The following OXR1 variants were observed in gnomAD, a reference collection of about 807,000 sequenced individuals.
The protein encoded by OXR1 is oxidation resistance 1.
Under a neutral mutation model 104.6 loss-of-function variants are expected in OXR1, and 41 were observed. The observed-to-expected ratio is 0.39, with a 90% confidence interval of 0.31 to 0.51. The LOEUF is 0.51. Ranked by LOEUF, OXR1 falls within the 20% of genes least tolerant of loss-of-function variation. The pLI, the probability that OXR1 is intolerant of heterozygous loss-of-function variation, is 0.77. For missense variants in OXR1, 955 were observed against 1,031.9 expected, an observed-to-expected ratio of 0.93 and a Z score of 1.02; for synonymous variants, 348 against 348.4, an observed-to-expected ratio of 1.00 and a Z score of 0.01.
intron 8 of OXR1, among the ~76,000 whole-genome samples, chr8:106,705,933 C>CTG (rs28921418): frequency 1.2e-4 from 18 of 151,662 alleles, no homozygotes; most frequent in South Asian, 2.1e-4. Flanking sequence ...TAAATAAGCA[C>CTG]TGTGTGTGTG....
intron 3 of OXR1, chr8:106,618,178 G>A (rs373530569): frequency 4.5e-4 from 684 of 1,535,626 alleles, no homozygotes; most frequent in African/African-American, 1.7e-3. Context: ...TTCTGCCAGC[G>A]CAAAGGTATG....
At chr8:106,340,379 C>G (rs1815193174) in intron 1 of OXR1, among the ~76,000 whole-genome samples, 1 of 152,064 alleles carries the variant, frequency 6.6e-6, no homozygotes. Flanking sequence ...CTGCTGAATA[C>G]CCTGTCATGT....
intron 1 of OXR1, among the ~76,000 whole-genome samples, chr8:106,328,824 A>C (rs528953698): frequency 6.8e-4 from 104 of 152,328 alleles, no homozygotes; most frequent in Middle Eastern, 3.4e-3. Flanking sequence ...CAGAGTCAAT[A>C]GTTAGCAACT....
chr8:106,708,694 T>C (rs1831395128), intron 9 of OXR1, among the ~76,000 whole-genome samples: 1 of 152,218 alleles, frequency 6.6e-6, no homozygotes, highest in Non-Finnish European at 1.5e-5. Flanking sequence ...TTTGGTTGTT[T>C]CAACCTTTTG....
intron 1 of OXR1, among the ~76,000 whole-genome samples, chr8:106,351,798 T>C (rs1815736707): frequency 6.6e-6 from 1 of 152,230 alleles, no homozygotes; most frequent in Non-Finnish European, 1.5e-5. Context: ...CATCATTGTA[T>C]GAACTCACTA....
At chr8:106,381,963 T>C (rs1817166778) in intron 2 of OXR1, among the ~76,000 whole-genome samples, 1 of 152,214 alleles carries the variant, frequency 6.6e-6, no homozygotes, top group Non-Finnish European at 1.5e-5. Context: ...AATTAAACAA[T>C]AGTCTAAACA....
chr8:106,475,490 G>A (rs1175191775), intron 2 of OXR1, among the ~76,000 whole-genome samples: 1 of 151,800 alleles, frequency 6.6e-6, no homozygotes, highest in Non-Finnish European at 1.5e-5. Context: ...AGGTGGAAGG[G>A]GAGGCAGGAG....
At chr8:106,639,188 C>T (rs1458837618) in intron 3 of OXR1, among the ~76,000 whole-genome samples, 1 of 152,180 alleles carries the variant, frequency 6.6e-6, no homozygotes, top group African/African-American at 2.4e-5. Context: ...TGCTATGAAT[C>T]TTCCTTTTTT....
chr8:106,476,374 C>T (rs1377691580), intron 2 of OXR1, among the ~76,000 whole-genome samples: 3 of 151,930 alleles, frequency 2.0e-5, no homozygotes, highest in Non-Finnish European at 2.9e-5. Flanking sequence ...AAAGGGTTAT[C>T]GTTGTCCAGA....
chr8:106,494,033 G>A (rs1467482139), intron 2 of OXR1, among the ~76,000 whole-genome samples: 1 of 152,144 alleles, frequency 6.6e-6, no homozygotes, highest in Non-Finnish European at 1.5e-5. Context: ...ATTTATACCA[G>A]AAAATGTTTG....
intron 9 of OXR1, among the ~76,000 whole-genome samples, chr8:106,707,998 A>G (rs1046091844): frequency 6.6e-6 from 1 of 152,168 alleles, no homozygotes; most frequent in African/African-American, 2.4e-5. Context: ...TATATCTACA[A>G]TGCAGTGGCA....
At chr8:106,681,867 A>G (rs961200680) in intron 4 of OXR1, among the ~76,000 whole-genome samples, 18 of 152,248 alleles carry the variant, frequency 1.2e-4, no homozygotes, top group African/African-American at 4.3e-4. Context: ...AACTCCATGT[A>G]ATCACCTTCC....
intron 2 of OXR1, among the ~76,000 whole-genome samples, chr8:106,389,429 A>G (rs1390166881): frequency 6.6e-6 from 1 of 152,242 alleles, no homozygotes. Context: ...GTTATTAATT[A>G]ATAAACATGA....
chr8:106,519,534 C>A (rs1398829179), intron 3 of OXR1, among the ~76,000 whole-genome samples: 2 of 152,176 alleles, frequency 1.3e-5, no homozygotes, highest in Non-Finnish European at 2.9e-5. Context: ...TCCCTTCAGG[C>A]TCCCAGGTCT....
chr8:106,324,457 C>A (rs1344878378), intron 1 of OXR1, among the ~76,000 whole-genome samples: 1 of 151,670 alleles, frequency 6.6e-6, no homozygotes, highest in Non-Finnish European at 1.5e-5. Flanking sequence ...AACAACCCCC[C>A]CTACACGTGT....
At chr8:106,658,722 T>C (rs1343157039) in intron 3 of OXR1, among the ~76,000 whole-genome samples, 1 of 152,008 alleles carries the variant, frequency 6.6e-6, no homozygotes, top group Non-Finnish European at 1.5e-5. Context: ...TCGTGTACTT[T>C]TTGAACGGCT....
intron 3 of OXR1, among the ~76,000 whole-genome samples, chr8:106,549,285 C>A (rs1264965145): frequency 6.7e-6 from 1 of 150,054 alleles, no homozygotes; most frequent in Non-Finnish European, 1.5e-5. Flanking sequence ...CTTATCTAGA[C>A]CATAAGCTCC....
intron 1 of OXR1, among the ~76,000 whole-genome samples, chr8:106,291,773 T>A (rs61563104): frequency 0.3 from 45,539 of 151,918 alleles, 7,117 homozygotes; most frequent in East Asian, 0.56. Flanking sequence ...GGGCTCACAA[T>A]CATGGCAGAA....
chr8:106,650,101 A>C (rs901581334), intron 3 of OXR1, among the ~76,000 whole-genome samples: 2 of 152,250 alleles, frequency 1.3e-5, no homozygotes, highest in Admixed American at 6.5e-5. Flanking sequence ...AATAAAATTC[A>C]GAATATAACA....
Sources: gnomAD v4.1 joint callset for allele counts (sites outside exome capture counted in the v4.1 genomes callset) on GRCh38, gnomAD v4.1.1 for gene constraint, MANE v1.5 for transcripts, NCBI Gene and HGNC (gene_info 2026-07-23, HGNC 2026-07-21) for gene names.